Variants in PIEZO2 observed in about 807,000 individuals in gnomAD.
PIEZO2 encodes piezo-type mechanosensitive ion channel component 2.
In PIEZO2, 172 loss-of-function variants were observed where a neutral mutation model predicts 337.3. The observed-to-expected ratio is 0.51, with a 90% confidence interval of 0.45 to 0.58. PIEZO2 has a LOEUF of 0.58. PIEZO2 is among the 20% of genes least tolerant of loss of function. The probability of loss-of-function intolerance (pLI) is 0.00; values close to 1 mark genes in which losing one functional copy is unlikely to be tolerated. For synonymous variants in PIEZO2, 1,251 were observed against 1,228.5 expected, an observed-to-expected ratio of 1.02 and a Z score of -0.38; for missense variants, 3,028 against 3,391.3, an observed-to-expected ratio of 0.89 and a Z score of 2.66.
chr18:10,689,140 C>G (rs1472293339), intron 49 of PIEZO2, among the ~76,000 whole-genome samples: 1 of 152,178 alleles, frequency 6.6e-6, no homozygotes, highest in South Asian at 2.1e-4. Flanking sequence ...GACTCTTCTT[C>G]CATATATTAA....
chr18:10,780,403 A>G (rs777200285), intron 17 of PIEZO2, 37 bp from the exon 18 acceptor site: 2 of 702,832 alleles, frequency 2.8e-6, no homozygotes, highest in South Asian at 3.0e-5. Flanking sequence ...GGATGCAATG[A>G]GGAGACAGGT....
intron 4 of PIEZO2, among the ~76,000 whole-genome samples, chr18:10,879,848 C>T (rs947555734): frequency 1.3e-5 from 2 of 152,156 alleles, no homozygotes; most frequent in African/African-American, 4.8e-5. Flanking sequence ...AAATCAAATA[C>T]TACACAGCAA....
chr18:10,740,404 A>G (rs1430995430), intron 33 of PIEZO2: 1 of 152,626 alleles, frequency 6.6e-6, no homozygotes, highest in African/African-American at 2.4e-5. Flanking sequence ...ACATGTGGGC[A>G]TTGGAATTTA....
chr18:10,850,758 T>A lies in PIEZO2; in HGVS notation c.917+4595A>T, dbSNP rs2041522519. 6.6e-6 allele frequency among the ~76,000 whole-genome samples: 1 copy of A among 152,154 alleles called. No individual in the cohort carries two copies. The highest frequency in any genetic ancestry group is 1.5e-5 in the Non-Finnish European group (1 of 68,024). On this transcript the variant is annotated intron_variant, in intron 7 of 55. Coordinates refer to ENST00000674853, the MANE Select transcript of PIEZO2 (RefSeq NM_001378183.1). This position sits in a 1 kb window ranked among gnomAD's most constrained non-coding sequence, Gnocchi z 4.5. ...TGTTTGTAAAAAGTACCTATAGACA[T>A]AAGAAAGATTCTGAAAAAAATTTGG...
intron 37 of PIEZO2, among the ~76,000 whole-genome samples, 181 bp downstream of exon 37, chr18:10,718,019 C>G (rs2036084654): frequency 6.6e-6 from 1 of 152,210 alleles, no homozygotes; most frequent in African/African-American, 2.4e-5. Flanking sequence ...TCCAGACCTA[C>G]TTTTAAGAGT....
chr18:10,916,703 C>T (rs993058111), intron 3 of PIEZO2, among the ~76,000 whole-genome samples: 1 of 152,162 alleles, frequency 6.6e-6, no homozygotes, highest in African/African-American at 2.4e-5. Flanking sequence ...CAGCTGCAGC[C>T]TCGGCCAGCC....
chr18:10,941,196 G>C (rs2032705669), intron 3 of PIEZO2, among the ~76,000 whole-genome samples: 1 of 152,022 alleles, frequency 6.6e-6, no homozygotes, highest in African/African-American at 2.4e-5. Flanking sequence ...ACATTTAAAT[G>C]CATCAGTGAC....
intron 3 of PIEZO2, among the ~76,000 whole-genome samples, chr18:10,912,775 T>C (rs1301224370): frequency 5.9e-5 from 9 of 152,184 alleles, no homozygotes; most frequent in Non-Finnish European, 1.2e-4. Flanking sequence ...TCATGGGGTT[T>C]TGCCAGGGGA....
At chr18:11,007,981 G>A (rs1301121729) in intron 2 of PIEZO2, among the ~76,000 whole-genome samples, 1 of 152,198 alleles carries the variant, frequency 6.6e-6, no homozygotes, top group Non-Finnish European at 1.5e-5. Context: ...ACCAGCTGAA[G>A]TCAGGCAGAG....
chr18:10,770,146 G>A lies in PIEZO2; in HGVS notation c.2946+2C>T. ...CTGATGATAGGACAAATGTTCACTT[G>A]CCTCTTTCACAGAAACCCAGATAAT... is the stretch of plus-strand genomic sequence containing the variant. On this transcript the variant is annotated splice_donor_variant, in intron 21 of 55. Coordinates refer to ENST00000674853, the MANE Select transcript of PIEZO2 (RefSeq NM_001378183.1). LOFTEE classifies it low-confidence loss of function (GC_TO_GT_DONOR). 1 of 1,537,026 alleles carries A rather than the reference G, an allele frequency of 6.5e-7. No individual in the cohort carries two copies. The highest frequency in any genetic ancestry group is 1.4e-5 in the African/African-American group (1 of 73,124).
intron 2 of PIEZO2, among the ~76,000 whole-genome samples, chr18:11,052,351 C>T (rs2037562503): frequency 6.6e-6 from 1 of 152,186 alleles, no homozygotes; most frequent in African/African-American, 2.4e-5. Flanking sequence ...GCTGCCTTCT[C>T]ACCTGGGTAT....
rs181710581 is a variant in PIEZO2 at position 10,942,655 on chromosome 18, T to C, written c.287-31427A>G. On this transcript the variant is annotated intron_variant, in intron 3 of 55. Coordinates refer to ENST00000674853, the MANE Select transcript of PIEZO2 (RefSeq NM_001378183.1). The surrounding 1 kb of genome is among the most constrained non-coding windows in gnomAD (Gnocchi z 4.4). ...GAAAATTTGCAGCCTGACAATGCAA[T>C]AAAAAAGAAAATCCCATTTTCTGTG... is the stretch of plus-strand genomic sequence containing the variant. 2.6e-3 allele frequency among the ~76,000 whole-genome samples: 389 copies of C among 152,110 alleles called. 1 individual carries two copies. The highest frequency in any genetic ancestry group is 9.0e-3 in the African/African-American group (373 of 41,488).
chr18:10,981,488 C>A lies in PIEZO2; in HGVS notation c.161-1828G>T, dbSNP rs546002649. On this transcript the variant is annotated intron_variant, in intron 2 of 55. Transcript: ENST00000674853. ...AAGAGAAATAGCATTTGATCTTCTACCTAAGTGAAGAAAAAGGCTCTGAAG... is the reference window on the plus strand; with the variant it reads ...AAGAGAAATAGCATTTGATCTTCTAACTAAGTGAAGAAAAAGGCTCTGAAG... 3.3e-5 allele frequency among the ~76,000 whole-genome samples: 5 copies of A among 152,244 alleles called. No homozygotes were observed. The Middle Eastern group carries it at 0.01, about 311-fold the overall frequency.
intron 1 of PIEZO2, among the ~76,000 whole-genome samples, chr18:11,095,220 A>T (rs7230348): frequency 0.58 from 87,768 of 152,158 alleles, 26,857 homozygotes; most frequent in African/African-American, 0.78. Context: ...GATATAAACA[A>T]AAACCTTATC....
At chr18:10,917,143 C>T in intron 3 of PIEZO2, among the ~76,000 whole-genome samples, 1 of 970 alleles carries the variant, frequency 1.0e-3, no homozygotes, top group Admixed American at 0.019. Flanking sequence ...GTCGGTCACC[C>T]ACCAATATGC....
At chr18:10,720,189 A>G (rs574831397) in intron 36 of PIEZO2, among the ~76,000 whole-genome samples, 1 of 140,990 alleles carries the variant, frequency 7.1e-6, no homozygotes, top group African/African-American at 2.7e-5. Context: ...CTTCATATAT[A>G]GAGAGAGGAT....
At chr18:10,693,094 G>A (rs1161097493) in intron 47 of PIEZO2, among the ~76,000 whole-genome samples, 1 of 151,986 alleles carries the variant, frequency 6.6e-6, no homozygotes, top group Non-Finnish European at 1.5e-5. Flanking sequence ...TCTTGTACAT[G>A]TTTTATCATA....
Position 11,009,188 on chromosome 18 carries a change from T to C in PIEZO2, c.161-29528A>G, listed in dbSNP as rs1207076157. Among the ~76,000 whole-genome samples the C allele has an allele frequency of 6.6e-6, 1 of 152,256 alleles. No homozygotes were observed. The highest frequency in any genetic ancestry group is 2.4e-5 in the African/African-American group (1 of 41,464). On this transcript the variant is annotated intron_variant, in intron 2 of 55. Transcript: ENST00000674853. This position sits in a 1 kb window ranked among gnomAD's most constrained non-coding sequence, Gnocchi z 4.6. ...GGTTGCTCTTGCCACGTCACTGTTA[T>C]TTGCCTGGGCAGTGTATCCCAAGGA...
At chr18:10,924,760 G>A (rs914633806) in intron 3 of PIEZO2, among the ~76,000 whole-genome samples, 4 of 152,144 alleles carry the variant, frequency 2.6e-5, no homozygotes, top group African/African-American at 9.7e-5. Flanking sequence ...TTCCATAGGC[G>A]GAGGATTTTT....
Sources: gnomAD v4.1 joint callset for allele counts (sites outside exome capture counted in the v4.1 genomes callset) on GRCh38, gnomAD v4.1.1 for gene constraint, Gnocchi (gnomAD v3.1) non-coding constraint, MANE v1.5 for transcripts, NCBI Gene and HGNC (gene_info 2026-07-23, HGNC 2026-07-21) for gene names.